The following NELL2 variants were observed in gnomAD, a reference collection of about 807,000 sequenced individuals.
NELL2 encodes the protein protein kinase C-binding protein NELL2.
NELL2 carries 41 observed loss-of-function variants against 109.6 expected under a neutral mutation model. The observed-to-expected ratio is 0.37, with a 90% CI of 0.29 to 0.49. The LOEUF (loss-of-function observed/expected upper bound fraction) is 0.49, where lower values mean the gene tolerates loss of function less well. Ranked by LOEUF, NELL2 falls within the 20% of genes least tolerant of loss-of-function variation. NELL2 has a pLI of 0.98. For synonymous variants in NELL2, 355 were observed against 344.7 expected (o/e 1.03, Z -0.33); for missense variants, 900 against 1,008.3 (o/e 0.89, Z 1.45).
In NELL2 at chr12:44,691,047, A is replaced by G. The variant is rs145162233; in HGVS notation, c.1318+12679T>C. On this transcript the variant is annotated intron_variant, in intron 12 of 19. Transcript: ENST00000429094. ...AAGTCATTAAGTTGAGGGGGGAAAA[A>G]TCAGCTGACCATGAAAGTCATACAA... Among the ~76,000 whole-genome samples the G allele has an allele frequency of 5.8e-4, 89 of 152,332 alleles. No homozygotes were observed. In the East Asian group the frequency reaches 0.015, roughly 25 times the overall value.
chr12:44,735,864 C>T (rs1939610406), intron 9 of NELL2, among the ~76,000 whole-genome samples: 1 of 151,804 alleles, frequency 6.6e-6, no homozygotes, highest in African/African-American at 2.4e-5. Flanking sequence ...ATAAGAAATT[C>T]CATTCTTAAT....
chr12:44,748,014 A>G (rs890026710), intron 9 of NELL2, among the ~76,000 whole-genome samples: 1 of 152,108 alleles, frequency 6.6e-6, no homozygotes, highest in Non-Finnish European at 1.5e-5. Flanking sequence ...AATACATCAT[A>G]CTGTCCCTTA....
chr12:44,650,045 C>T (rs1465876275), intron 13 of NELL2, among the ~76,000 whole-genome samples: 3 of 152,212 alleles, frequency 2.0e-5, no homozygotes, highest in East Asian at 1.9e-4. Context: ...CAGCCTCAGG[C>T]TGCACTCCTC....
At chr12:44,694,004 T>G (rs1284126768) in intron 12 of NELL2, among the ~76,000 whole-genome samples, 3 of 152,170 alleles carry the variant, frequency 2.0e-5, no homozygotes, top group Non-Finnish European at 4.4e-5. Context: ...GTCATGACAT[T>G]TGGAAACATC....
rs116287668 is a variant in NELL2 at position 44,591,855 on chromosome 12, C to T, written c.1663+15314G>A. Among the ~76,000 whole-genome samples, 875 of 152,098 alleles carry T rather than the reference C, an allele frequency of 5.8e-3. 7 individuals carry two copies. Among genetic ancestry groups the T allele is most frequent in the African/African-American group, 0.02 (838 of 41,504 alleles). ...ATCATTAGACATTGTATACATGTATCGAAATATGACTTTGTATTTCATAAA... is the reference window on the plus strand; with the variant it reads ...ATCATTAGACATTGTATACATGTATTGAAATATGACTTTGTATTTCATAAA... On this transcript the variant is annotated intron_variant, in intron 15 of 19. Coordinates refer to ENST00000429094, the MANE Select transcript of NELL2 (RefSeq NM_001145108.2).
intron 7 of NELL2, among the ~76,000 whole-genome samples, 167 bp from the exon 8 acceptor site, chr12:44,776,317 T>C (rs932987476): frequency 6.6e-6 from 1 of 151,786 alleles, no homozygotes; most frequent in Non-Finnish European, 1.5e-5. Flanking sequence ...TTTAAAAGAA[T>C]GTTTTTTTCT....
chr12:44,766,708 C>G (rs766221794), intron 9 of NELL2, among the ~76,000 whole-genome samples: 34 of 152,250 alleles, frequency 2.2e-4, no homozygotes, highest in Non-Finnish European at 4.0e-4. Flanking sequence ...TATTTCAAAG[C>G]CTTATGATAC....
chr12:44,892,784 C>A (rs1226207108), intron 1 of NELL2, among the ~76,000 whole-genome samples: 22 of 121,854 alleles, frequency 1.8e-4, no homozygotes, highest in African/African-American at 6.8e-4. Flanking sequence ...GGCGACAGAG[C>A]GAGACTCTGT....
chr12:44,914,936 G>T (rs117746526), upstream of NELL2, among the ~76,000 whole-genome samples: 2,156 of 152,004 alleles, frequency 0.014, 27 homozygotes, highest in Admixed American at 0.051. Context: ...TGTAAGCTCG[G>T]TCTCCTGGGT....
At chr12:44,578,433 G>GA (rs1491092775) in intron 15 of NELL2, among the ~76,000 whole-genome samples, 7 of 5,664 alleles carry the variant, frequency 1.2e-3, no homozygotes, top group African/African-American at 0.01. Context: ...ATCAAGATAG[G>GA]AAAAAAAAAG....
At chr12:44,632,621 C>A (rs1207657226) in intron 13 of NELL2, among the ~76,000 whole-genome samples, 2 of 151,984 alleles carry the variant, frequency 1.3e-5, no homozygotes, top group Non-Finnish European at 1.5e-5. Context: ...ATCACCACCT[C>A]CCTTCGGAAG....
At chr12:44,603,339 G>A (rs1277769423) in intron 15 of NELL2, among the ~76,000 whole-genome samples, 2 of 151,988 alleles carry the variant, frequency 1.3e-5, no homozygotes, top group Admixed American at 1.3e-4. Flanking sequence ...GTCAGCAAGT[G>A]CTTGTAGGGG....
intron 9 of NELL2, among the ~76,000 whole-genome samples, chr12:44,742,427 C>T (rs1318418638): frequency 1.3e-5 from 2 of 152,200 alleles, no homozygotes; most frequent in Non-Finnish European, 2.9e-5. Context: ...GAACGCAGCT[C>T]CTCACCAGCA....
At chr12:44,653,593 A>G (rs979736881) in intron 13 of NELL2, among the ~76,000 whole-genome samples, 9 of 152,258 alleles carry the variant, frequency 5.9e-5, no homozygotes, top group African/African-American at 1.9e-4. Flanking sequence ...TTTTTGAGAA[A>G]AATTCTAAAA....
At chr12:44,595,793 C>T (rs1002624368) in intron 15 of NELL2, among the ~76,000 whole-genome samples, 28 of 152,088 alleles carry the variant, frequency 1.8e-4, no homozygotes, top group African/African-American at 6.8e-4. Context: ...CAAGTTCACT[C>T]TTATTCAGCC....
chr12:44,607,349 G>T, intron 14 of NELL2, 85 bp from the exon 15 acceptor site: 1 of 992,674 alleles, frequency 1.0e-6, no homozygotes, highest in South Asian at 1.8e-5. Context: ...TTATCCCCTT[G>T]GAGATGTAAA....
intron 12 of NELL2, among the ~76,000 whole-genome samples, chr12:44,683,956 C>T (rs995402807): frequency 6.6e-6 from 1 of 152,078 alleles, no homozygotes; most frequent in Non-Finnish European, 1.5e-5. Context: ...GGGAGGATTC[C>T]CTCTTTTTCT....
At chr12:44,797,275 A>T (rs1942657150) in intron 3 of NELL2, among the ~76,000 whole-genome samples, 1 of 152,122 alleles carries the variant, frequency 6.6e-6, no homozygotes, top group Admixed American at 6.6e-5. Flanking sequence ...GAGAAGTGGC[A>T]GGCTCAAGGA....
At chr12:44,777,917 T>C (rs569069275) in intron 5 of NELL2, among the ~76,000 whole-genome samples, 1 of 152,288 alleles carries the variant, frequency 6.6e-6, no homozygotes, top group Admixed American at 6.5e-5. Context: ...AAATGACCTG[T>C]TTTACATAGA....
Sources: gnomAD v4.1 joint callset for allele counts (sites outside exome capture counted in the v4.1 genomes callset) on GRCh38, gnomAD v4.1.1 for gene constraint, MANE v1.5 for transcripts, NCBI Gene and HGNC (gene_info 2026-07-23, HGNC 2026-07-21) for gene names.